TPD52: variants seen among roughly 807,000 people sequenced by gnomAD.
TPD52 encodes tumor protein D52.
In TPD52, 17 loss-of-function variants were observed where a neutral mutation model predicts 31.3. The observed-to-expected ratio is 0.54, with a 90% CI of 0.37 to 0.82. TPD52 has a LOEUF of 0.82. Ranked by LOEUF, TPD52 falls within the 40% of genes least tolerant of loss-of-function variation. TPD52 has a pLI of 0.00. For missense variants in TPD52, 212 were observed against 240.1 expected, an observed-to-expected ratio of 0.88 and a Z score of 0.77; for synonymous variants, 83 against 89.6, an observed-to-expected ratio of 0.93 and a Z score of 0.42.
chr8:80,136,462 T>C (rs1471053105), intron 1 of TPD52, among the ~76,000 whole-genome samples: 1 of 136,876 alleles, frequency 7.3e-6, no homozygotes, highest in Non-Finnish European at 1.5e-5. Context: ...AAGCAGAGCT[T>C]GCAGTGAGCT....
intron 1 of TPD52, among the ~76,000 whole-genome samples, chr8:80,124,825 AACC>A (rs1231654935): frequency 6.6e-6 from 1 of 152,158 alleles, no homozygotes; most frequent in Non-Finnish European, 1.5e-5. Flanking sequence ...CAAACAAAAA[AACC>A]ACCTTCTTTT....
chr8:80,085,369 T>A (rs1472238523), intron 1 of TPD52, among the ~76,000 whole-genome samples: 1 of 152,164 alleles, frequency 6.6e-6, no homozygotes, highest in Non-Finnish European at 1.5e-5. Flanking sequence ...GCCTGTTAAC[T>A]CATCACTCAA....
intron 1 of TPD52, among the ~76,000 whole-genome samples, chr8:80,082,264 G>C (rs2130839230): frequency 6.6e-6 from 1 of 151,806 alleles, no homozygotes. Flanking sequence ...TTATCTGAAA[G>C]AATGGATTGT....
intron 1 of TPD52, among the ~76,000 whole-genome samples, chr8:80,131,391 C>T (rs1349777907): frequency 6.6e-6 from 1 of 152,128 alleles, no homozygotes; most frequent in Non-Finnish European, 1.5e-5. Context: ...ATTATATACC[C>T]TCAAATATTA....
intron 7 of TPD52, among the ~76,000 whole-genome samples, chr8:80,039,033 A>T (rs1810126200): frequency 6.6e-6 from 1 of 152,234 alleles, no homozygotes; most frequent in African/African-American, 2.4e-5. Context: ...CAGGACAGCT[A>T]ACAGTAAGAA....
intron 1 of TPD52, among the ~76,000 whole-genome samples, chr8:80,104,563 T>C (rs1255711408): frequency 6.7e-6 from 1 of 149,350 alleles, no homozygotes; most frequent in African/African-American, 2.5e-5. Context: ...CCATCTCTAT[T>C]TAAAAAAAAA....
chr8:80,115,504 A>G (rs955566517), intron 1 of TPD52, among the ~76,000 whole-genome samples: 6 of 152,232 alleles, frequency 3.9e-5, no homozygotes, highest in African/African-American at 1.4e-4. Flanking sequence ...GAACCATAAC[A>G]GTAGAATGTC....
chr8:80,123,858 T>C (rs955606869), intron 1 of TPD52, among the ~76,000 whole-genome samples: 10 of 152,100 alleles, frequency 6.6e-5, no homozygotes, highest in African/African-American at 2.2e-4. Flanking sequence ...GTTCAACATC[T>C]GGAAAGATTT....
intron 1 of TPD52, among the ~76,000 whole-genome samples, chr8:80,087,040 A>G (rs962620120): frequency 6.6e-6 from 1 of 152,196 alleles, no homozygotes; most frequent in Non-Finnish European, 1.5e-5. Context: ...AGAAAATAAG[A>G]GTATGCATGT....
chr8:80,077,515 G>A (rs1245985060), intron 1 of TPD52, among the ~76,000 whole-genome samples: 1 of 152,138 alleles, frequency 6.6e-6, no homozygotes, highest in African/African-American at 2.4e-5. Context: ...GAGAACTTAA[G>A]CCTTGAATAG....
rs897834266 is a variant in TPD52 at position 80,037,445 on chromosome 8, G to A, written c.*671C>T. On this transcript the variant is annotated 3_prime_UTR_variant, in exon 8 of 8. Coordinates refer to ENST00000518937, the MANE Select transcript of TPD52 (RefSeq NM_001025253.3). The stretch of plus-strand genomic sequence containing the variant: ...ACTGAAATGGTTACTGTCACAAACG[G>A]TGCTAAATAATGATATAGGAGGTTC... The A allele has an allele frequency of 6.6e-6, 1 of 152,118 alleles. No homozygotes were observed. The highest frequency in any genetic ancestry group is 1.5e-5 in the Non-Finnish European group (1 of 67,994). The allele number at this position is 152,118 out of a possible 1,614,324, so 9.4% of individuals were successfully genotyped here. A position where few individuals can be genotyped will look rare whatever the true frequency, so the allele number is the denominator to read the frequency against.
chr8:80,139,630 C>T (rs562499753), intron 1 of TPD52, among the ~76,000 whole-genome samples: 62 of 116,332 alleles, frequency 5.3e-4, no homozygotes, highest in African/African-American at 1.8e-3. Context: ...TAGCAATAAA[C>T]GGGGGGTGGG....
chr8:80,139,432 G>A (rs1410989604), intron 1 of TPD52, among the ~76,000 whole-genome samples: 1 of 151,912 alleles, frequency 6.6e-6, no homozygotes, highest in Non-Finnish European at 1.5e-5. Context: ...AATTTTTTCA[G>A]AGTTTCAGAC....
chr8:80,120,469 A>G (rs1808184420), intron 1 of TPD52, among the ~76,000 whole-genome samples: 1 of 152,168 alleles, frequency 6.6e-6, no homozygotes, highest in Admixed American at 6.5e-5. Flanking sequence ...CGACAGAGCA[A>G]GACTCTGTTT....
At chr8:80,096,917 G>A (rs139595622) in intron 1 of TPD52, among the ~76,000 whole-genome samples, 2,412 of 152,254 alleles carry the variant, frequency 0.016, 70 homozygotes, top group African/African-American at 0.055. Flanking sequence ...TAAATCAAAA[G>A]CTAGAAATGA....
intron 5 of TPD52, 174 bp downstream of exon 5, chr8:80,050,271 T>C: frequency 2.0e-6 from 1 of 490,650 alleles, no homozygotes; most frequent in Non-Finnish European, 3.6e-6. Flanking sequence ...CTACCCATGG[T>C]ATACAAGAAA....
At chr8:80,082,193 G>C (rs1318055773) in intron 1 of TPD52, among the ~76,000 whole-genome samples, 1 of 150,536 alleles carries the variant, frequency 6.6e-6, no homozygotes, top group Non-Finnish European at 1.5e-5. Context: ...ACCAAAATTT[G>C]GGCAACTATA....
At chr8:80,040,184 C>CTTTTT (rs1563557956) in intron 7 of TPD52, among the ~76,000 whole-genome samples, 4 of 132,380 alleles carry the variant, frequency 3.0e-5, no homozygotes, top group African/African-American at 1.2e-4. Context: ...AATACGCTAT[C>CTTTTT]CTTTTTTTTT....
At chr8:80,061,407 A>C (rs1388645582) in intron 2 of TPD52, among the ~76,000 whole-genome samples, 3 of 144,028 alleles carry the variant, frequency 2.1e-5, no homozygotes, top group African/African-American at 7.6e-5. Context: ...AATCCACAAA[A>C]AAATCTATTC....
Sources: gnomAD v4.1 joint callset for allele counts (sites outside exome capture counted in the v4.1 genomes callset) on GRCh38, gnomAD v4.1.1 for gene constraint, MANE v1.5 for transcripts, NCBI Gene and HGNC (gene_info 2026-07-23, HGNC 2026-07-21) for gene names.